The following METTL2A variants were observed in gnomAD, a reference collection of about 807,000 sequenced individuals.
METTL2A encodes the protein tRNA N(3)-cytidine methyltransferase METTL2A.
A neutral mutation model predicts 49.4 loss-of-function variants in METTL2A; 45 were observed. That is an observed-to-expected ratio of 0.91 (90% CI 0.72 to 1.17). The LOEUF is 1.17. METTL2A is among the 50% of genes most tolerant of loss of function. The pLI, the probability that METTL2A is intolerant of heterozygous loss-of-function variation, is 0.00. For missense variants in METTL2A, 361 were observed against 462.2 expected (o/e 0.78, Z 2.01); for synonymous variants, 118 against 167.5 (o/e 0.70, Z 2.28).
chr17:62,439,229 C>A (rs1020438876), intron 5 of METTL2A, among the ~76,000 whole-genome samples: 1 of 151,710 alleles, frequency 6.6e-6, no homozygotes, highest in African/African-American at 2.4e-5. Context: ...AATCCTCCCA[C>A]CTCGACCTCC....
chr17:62,448,593 T>G lies in METTL2A; in HGVS notation c.1001T>G (p.Phe334Cys). ...FFTQEELDTL[F>C]TTAGLEKVQN... ...ACACTAGAGGAACTGGACACGCTTT[T>G]CACCACTGCTGGACTGGAAAAAGTT... The change falls in exon 9 of 9, where the codon TTC becomes TGC. Residue 334 changes from phenylalanine to cysteine, a missense_variant. Physicochemically the swap from Phe to Cys is radical, Grantham distance 205. Transcript: ENST00000311506. 1 of 1,614,124 alleles carries G rather than the reference T, an allele frequency of 6.2e-7. No individual in the cohort carries two copies. The highest frequency in any genetic ancestry group is 8.5e-7 in the Non-Finnish European group (1 of 1,180,008).
rs2070804092 is a variant in METTL2A at position 62,451,243 on chromosome 17, T to C, written c.*2514T>C. ...CTCACCGCAACCTCTGCCTCCCAAG[T>C]TTAAATGATTCTCCTGCCTCAGCCT... On this transcript the variant is annotated 3_prime_UTR_variant, in exon 9 of 9. Coordinates refer to ENST00000311506, the MANE Select transcript of METTL2A (RefSeq NM_181725.4). 6.6e-6 allele frequency among the ~76,000 whole-genome samples: 1 copy of C among 151,400 alleles called. No homozygotes were observed. The highest frequency in any genetic ancestry group is 1.5e-5 in the Non-Finnish European group (1 of 67,860).
chr17:62,424,270 C>A lies in METTL2A; in HGVS notation c.162C>A (p.Val54=). The A allele has an allele frequency of 6.2e-7, 1 of 1,614,018 alleles. No individual in the cohort carries two copies. ...EEQAAAAERK[V]QENSIQRVCQ... ...AAGCCGCGGCGGCGGAGAGAAAAGT[C>A]CAGGAGAACAGTATCCAGCGGGTGT... Residue 54 remains valine (V), a synonymous_variant, in exon 2 of 9, where the codon GTC becomes GTA. Transcript: ENST00000311506.
At chr17:62,446,608 C>T (rs1469963442) in intron 7 of METTL2A, among the ~76,000 whole-genome samples, 1 of 152,158 alleles carries the variant, frequency 6.6e-6, no homozygotes, top group Non-Finnish European at 1.5e-5. Flanking sequence ...CCACTGCGCT[C>T]GGCTTACAGC....
chr17:62,436,460 G>A (rs1307794358), intron 5 of METTL2A, among the ~76,000 whole-genome samples: 2 of 152,030 alleles, frequency 1.3e-5, no homozygotes, highest in Admixed American at 1.3e-4. Context: ...GCTGAAGCAG[G>A]AGAATCGCTT....
In METTL2A at chr17:62,435,920, T is replaced by C. The variant is rs1295473627; in HGVS notation, c.669+628T>C. On this transcript the variant is annotated intron_variant, in intron 5 of 8. Coordinates refer to ENST00000311506, the MANE Select transcript of METTL2A (RefSeq NM_181725.4). The stretch of plus-strand genomic sequence containing the variant: ...CTTGTGTTGTAATTATTAAATTTAA[T>C]ACACAATTGCATAAACTAATGAAAT... Among the ~76,000 whole-genome samples, 3 of 152,184 alleles carry C rather than the reference T, an allele frequency of 2.0e-5. No homozygotes were observed. In the East Asian group the frequency reaches 5.8e-4, roughly 29 times the overall value.
chr17:62,431,789 T>G (rs1469938303), intron 4 of METTL2A, among the ~76,000 whole-genome samples: 1 of 152,066 alleles, frequency 6.6e-6, no homozygotes, highest in African/African-American at 2.4e-5. Context: ...GGCACGATCT[T>G]GGCTCACTGC....
intron 4 of METTL2A, among the ~76,000 whole-genome samples, chr17:62,428,908 C>T (rs1278792531): frequency 2.6e-5 from 4 of 152,196 alleles, no homozygotes; most frequent in African/African-American, 9.6e-5. Context: ...CTCAGCCTCC[C>T]AAGTAGCTGG....
At position 62,453,141 on chromosome 17, in the gene METTL2A, C is replaced by T. The variant is rs912060475; in HGVS notation, c.*4412C>T. Among the ~76,000 whole-genome samples, 1 of 152,064 alleles carries T rather than the reference C, an allele frequency of 6.6e-6. No individual in the cohort carries two copies. Among genetic ancestry groups the T allele is most frequent in the African/African-American group, 2.4e-5 (1 of 41,414 alleles). ...AGTTTTTATTTTATCTTTCTGGCAC[C>T]TGGTTTGGGCTTTGGGCTTAGATTA... On this transcript the variant is annotated 3_prime_UTR_variant, in exon 9 of 9. Coordinates refer to ENST00000311506, the MANE Select transcript of METTL2A (RefSeq NM_181725.4).
rs766807156 is a variant in METTL2A, at chr17:62,423,990, C to A, written c.88C>A (p.Arg30Ser). ...FGSRFLRDPARVFHHNAWDNV... is the reference protein window; with the variant it reads ...FGSRFLRDPASVFHHNAWDNV... Reference sequence around the variant, plus strand: ...AAGCCGGTTCCTGAGAGATCCGGCGCGCGTCTTCCACCACAATGCCTGGTA... The same window carrying A: ...AAGCCGGTTCCTGAGAGATCCGGCGAGCGTCTTCCACCACAATGCCTGGTA... The change falls in exon 1 of 9, where the codon CGC becomes AGC. Residue 30 changes from arginine (R) to serine (S), a missense_variant. By Grantham distance (110) the Arg-to-Ser change is moderately radical (BLOSUM62 -1). Around this residue, in one of 3 missense-constraint regions of METTL2A, gnomAD observed 150 missense variants for 170.1 expected, o/e 0.88. Transcript: ENST00000311506. The A allele has an allele frequency of 5.6e-6, 9 of 1,613,988 alleles. No homozygotes were observed. In the African/African-American group the frequency reaches 6.7e-5, roughly 12 times the overall value.
intron 4 of METTL2A, among the ~76,000 whole-genome samples, chr17:62,430,084 C>T (rs1191208874): frequency 6.6e-6 from 1 of 152,212 alleles, no homozygotes; most frequent in Non-Finnish European, 1.5e-5. Context: ...ATTTAGCCCA[C>T]AGTATTCATT....
rs2070608031 is a variant in METTL2A, at chr17:62,424,303, G to T, written c.195G>T (p.Glu65Asp). The T allele has an allele frequency of 6.2e-7, 1 of 1,613,946 alleles. No individual in the cohort carries two copies. The highest frequency in any genetic ancestry group is 1.1e-5 in the South Asian group (1 of 91,064). Reference sequence around the variant, plus strand: ...ACAGTATCCAGCGGGTGTGCCAGGAGAAACAAGGTGCGCTTAAATGGGCTC... The same window carrying T: ...ACAGTATCCAGCGGGTGTGCCAGGATAAACAAGGTGCGCTTAAATGGGCTC... ...QENSIQRVCQ[E>D]KQVDYEINAH... The change falls in exon 2 of 9, where the codon GAG (glutamate) becomes GAT (aspartate). Residue 65 changes from glutamate to aspartate, a missense_variant. By Grantham distance (45) the Glu-to-Asp change is conservative. This residue lies in a region of METTL2A where 150 missense variants were observed against 170.1 expected (regional missense o/e 0.88). Transcript: ENST00000311506.
In METTL2A at chr17:62,450,652, C is replaced by G. The variant is rs1413785643; in HGVS notation, c.*1923C>G. The G allele has an allele frequency of 6.6e-6, 1 of 151,946 alleles. No individual in the cohort carries two copies. Among genetic ancestry groups the G allele is most frequent in the East Asian group, 1.9e-4 (1 of 5,172 alleles). 9.4% of individuals were successfully genotyped at this position (151,946 alleles called of 1,614,324 possible). ...CCAGCCTGGCTAACATAGTGAAACC[C>G]CGTCTCCACTAAAAAATAAAAAATC... On this transcript the variant is annotated 3_prime_UTR_variant, in exon 9 of 9. Coordinates refer to ENST00000311506, the MANE Select transcript of METTL2A (RefSeq NM_181725.4).
At chr17:62,430,868 A>G (rs979278005) in intron 4 of METTL2A, among the ~76,000 whole-genome samples, 2 of 149,744 alleles carry the variant, frequency 1.3e-5, no homozygotes, top group African/African-American at 4.9e-5. Context: ...TGATTGATTG[A>G]TTGATTGGTT....
intron 2 of METTL2A, among the ~76,000 whole-genome samples, chr17:62,425,436 G>C (rs1358603366): frequency 2.2e-5 from 3 of 137,266 alleles, no homozygotes; most frequent in African/African-American, 8.1e-5. Context: ...CACCAGGCTG[G>C]AGTGCAGTGG....
intron 7 of METTL2A, among the ~76,000 whole-genome samples, chr17:62,447,148 G>GTGGC (rs2070773968): frequency 6.6e-6 from 1 of 152,184 alleles, no homozygotes. Context: ...GCCAGGCACG[G>GTGGC]TGGCTCATGC....
At chr17:62,426,230 T>A (rs541393886) in intron 2 of METTL2A, 69 bp from the exon 3 acceptor site, 36 of 1,422,610 alleles carry the variant, frequency 2.5e-5, no homozygotes, top group Non-Finnish European at 3.4e-5. Flanking sequence ...TAAAGCAGGA[T>A]AATTGATATT....
chr17:62,437,261 T>G (rs557246978), intron 5 of METTL2A, among the ~76,000 whole-genome samples: 1 of 151,900 alleles, frequency 6.6e-6, no homozygotes, highest in South Asian at 2.1e-4. Flanking sequence ...ATGATTCCAT[T>G]GGGGTTCTTT....
intron 7 of METTL2A, among the ~76,000 whole-genome samples, chr17:62,447,452 T>C (rs1323864919): frequency 6.6e-6 from 1 of 152,112 alleles, no homozygotes; most frequent in Non-Finnish European, 1.5e-5. Context: ...GTTTGTGCTG[T>C]TAATTTAATG....
Sources: allele counts gnomAD v4.1 joint callset (sites outside exome capture counted in the v4.1 genomes callset), GRCh38; gene constraint gnomAD v4.1.1; regional missense constraint gnomAD v4.1.1; transcripts MANE v1.5; gene names NCBI Gene and HGNC (gene_info 2026-07-23, HGNC 2026-07-21).